Variants in MAMDC2 observed in about 807,000 individuals in gnomAD.
MAMDC2 encodes MAM domain-containing protein 2.
A neutral mutation model predicts 89.8 loss-of-function variants in MAMDC2; 57 were observed. The observed-to-expected ratio is 0.63, with a 90% CI of 0.51 to 0.79. The LOEUF (loss-of-function observed/expected upper bound fraction) is 0.79, where lower values mean the gene tolerates loss of function less well. MAMDC2 is among the 30% of genes least tolerant of loss of function. The pLI is 0.00. For synonymous variants in MAMDC2, 313 were observed against 293.4 expected (o/e 1.07, Z -0.68); for missense variants, 800 against 820.6 (o/e 0.97, Z 0.31).
chr9:70,066,327 G>A (rs1827262555), intron 2 of MAMDC2, among the ~76,000 whole-genome samples: 1 of 152,170 alleles, frequency 6.6e-6, no homozygotes. Flanking sequence ...GGAACAGAGT[G>A]AATAGGAGCA....
chr9:70,171,828 G>C (rs1428895165), intron 11 of MAMDC2, among the ~76,000 whole-genome samples: 1 of 152,062 alleles, frequency 6.6e-6, no homozygotes, highest in East Asian at 1.9e-4. Context: ...GACAGCTGAT[G>C]AGCTAAAAAA....
intron 9 of MAMDC2, among the ~76,000 whole-genome samples, chr9:70,144,792 A>G (rs1414637073): frequency 6.6e-6 from 1 of 152,234 alleles, no homozygotes; most frequent in Non-Finnish European, 1.5e-5. Context: ...GAACCTGCAC[A>G]GACATTCATA....
At chr9:70,074,490 A>G (rs527882771) in intron 2 of MAMDC2, among the ~76,000 whole-genome samples, 12 of 152,338 alleles carry the variant, frequency 7.9e-5, no homozygotes, top group Admixed American at 7.2e-4. Context: ...CACCTGTCCC[A>G]GTGTGCAGAG....
chr9:70,130,151 G>A (rs771494551), intron 6 of MAMDC2, among the ~76,000 whole-genome samples: 15 of 151,716 alleles, frequency 9.9e-5, no homozygotes, highest in African/African-American at 2.9e-4. Flanking sequence ...TTACATTTGC[G>A]GTGACCCTAT....
At chr9:70,055,034 A>G (rs1826997558) in intron 2 of MAMDC2, among the ~76,000 whole-genome samples, 1 of 152,190 alleles carries the variant, frequency 6.6e-6, no homozygotes, top group Non-Finnish European at 1.5e-5. Context: ...CTGGAGACTT[A>G]GCGAGACCCT....
chr9:70,048,032 A>G (rs190724015), intron 2 of MAMDC2, among the ~76,000 whole-genome samples: 139 of 151,004 alleles, frequency 9.2e-4, no homozygotes, highest in African/African-American at 3.1e-3. Flanking sequence ...TCCCAATGGC[A>G]GTTTCCCCCA....
intron 9 of MAMDC2, among the ~76,000 whole-genome samples, 159 bp downstream of exon 9, chr9:70,143,978 C>T (rs918416407): frequency 2.0e-5 from 3 of 152,234 alleles, no homozygotes; most frequent in Non-Finnish European, 4.4e-5. Context: ...ACAGGTTAAT[C>T]CTTCAGTTAT....
chr9:70,105,036 G>A (rs1006632941), intron 2 of MAMDC2, among the ~76,000 whole-genome samples: 10 of 151,906 alleles, frequency 6.6e-5, no homozygotes, highest in East Asian at 1.9e-4. Flanking sequence ...TAATTCACTC[G>A]GTGGTAAAAT....
At chr9:70,083,123 G>C (rs3015182) in intron 2 of MAMDC2, among the ~76,000 whole-genome samples, 28,124 of 152,062 alleles carry the variant, frequency 0.18, 3,656 homozygotes, top group African/African-American at 0.37. Flanking sequence ...AAATCAGAAG[G>C]CATAATAGCC....
At chr9:70,215,405 C>G (rs10868720) in intron 11 of MAMDC2, among the ~76,000 whole-genome samples, 80,766 of 152,112 alleles carry the variant, frequency 0.53, 24,694 homozygotes, top group Non-Finnish European at 0.67. Flanking sequence ...TGCCATTTCC[C>G]TTAAGCATGC....
intron 2 of MAMDC2, among the ~76,000 whole-genome samples, chr9:70,066,185 G>A (rs538127387): frequency 6.6e-6 from 1 of 152,298 alleles, no homozygotes; most frequent in African/African-American, 2.4e-5. Flanking sequence ...AGAGACCCAA[G>A]GGAATGGGGC....
intron 2 of MAMDC2, among the ~76,000 whole-genome samples, chr9:70,048,591 G>A (rs904215909): frequency 4.6e-5 from 7 of 152,120 alleles, no homozygotes; most frequent in Non-Finnish European, 8.8e-5. Context: ...GAGCCACCGC[G>A]CCCAGCCAGG....
intron 11 of MAMDC2, among the ~76,000 whole-genome samples, chr9:70,188,961 T>C (rs1427446123): frequency 1.3e-5 from 2 of 152,212 alleles, no homozygotes; most frequent in South Asian, 2.1e-4. Flanking sequence ...TTTCATAGCA[T>C]ACAAAAACTA....
chr9:70,051,033 C>A (rs1490494258), intron 2 of MAMDC2, among the ~76,000 whole-genome samples: 1 of 152,222 alleles, frequency 6.6e-6, no homozygotes, highest in African/African-American at 2.4e-5. Flanking sequence ...CATCAATTGG[C>A]TCCATTAGTG....
chr9:70,218,687 G>T lies in MAMDC2; in HGVS notation c.1911+91G>T. 3.5e-6 allele frequency: 5 copies of T among 1,438,824 alleles called. No individual in the cohort carries two copies. In the South Asian group the frequency reaches 4.5e-5, roughly 13 times the overall value. 89.1% of individuals were successfully genotyped at this position (1,438,824 alleles called of 1,614,324 possible). A position where few individuals can be genotyped will look rare whatever the true frequency, so the allele number is the denominator to read the frequency against. On this transcript the variant is annotated intron_variant, in intron 12 of 13. Transcript: ENST00000377182. ...TTCTTGCTACCAAAGAGAATATTTT[G>T]TTCTTTTTCAGGGTCATAGACAAAG... is the stretch of plus-strand genomic sequence containing the variant.
intron 5 of MAMDC2, among the ~76,000 whole-genome samples, chr9:70,124,038 G>A (rs1018658860): frequency 4.6e-5 from 7 of 152,142 alleles, no homozygotes; most frequent in Non-Finnish European, 7.3e-5. Flanking sequence ...TAGATTTGCC[G>A]TGAAAACCTG....
intron 2 of MAMDC2, among the ~76,000 whole-genome samples, chr9:70,097,614 G>T (rs1241150924): frequency 6.6e-6 from 1 of 152,022 alleles, no homozygotes; most frequent in Non-Finnish European, 1.5e-5. Flanking sequence ...TTCTGGGAGG[G>T]GTTTCTTACC....
chr9:70,106,093 T>C (rs2975881), intron 2 of MAMDC2: 9,704 of 152,212 alleles, frequency 0.064, 990 homozygotes, highest in African/African-American at 0.21. Flanking sequence ...TCACCCCAGC[T>C]CTACTGGATT....
chr9:70,118,297 A>AACACACACACACACACACACAC lies in MAMDC2; in HGVS notation c.643+5195_643+5216dup, dbSNP rs6151026. Among the ~76,000 whole-genome samples the AACACACACACACACACACACAC allele has an allele frequency of 1.8e-3, 246 of 140,518 alleles. 5 individuals carry two copies. Among genetic ancestry groups the AACACACACACACACACACACAC allele is most frequent in the East Asian group, 3.1e-3 (14 of 4,566 alleles). The allele number at this position is 140,518 out of a possible 152,430, so 92.2% of individuals were successfully genotyped here. The stretch of plus-strand genomic sequence containing the variant: ...CATTCATTAGCCAACATCCCCACTC[A>AACACACACACACACACACACAC]ACACACACACACACACACACACACA... On this transcript the variant is annotated intron_variant, in intron 5 of 13. Coordinates refer to ENST00000377182, the MANE Select transcript of MAMDC2 (RefSeq NM_153267.5).
Sources: allele counts gnomAD v4.1 joint callset (sites outside exome capture counted in the v4.1 genomes callset), GRCh38; gene constraint gnomAD v4.1.1; transcripts MANE v1.5; gene names NCBI Gene and HGNC (gene_info 2026-07-23, HGNC 2026-07-21).